The following TDRP variants were observed in gnomAD, a reference collection of about 807,000 sequenced individuals.
TDRP encodes testis development-related protein.
A neutral mutation model predicts 10.5 loss-of-function variants in TDRP; 12 were observed. The observed-to-expected ratio is 1.15, with a 90% CI of 0.73 to 1.86. The LOEUF (loss-of-function observed/expected upper bound fraction) is 1.86. TDRP is among the 40% of genes most tolerant of loss of function. TDRP has a pLI of 0.00. For synonymous variants in TDRP, 139 were observed against 95.4 expected, an observed-to-expected ratio of 1.46 and a Z score of -2.67; for missense variants, 353 against 229.2, an observed-to-expected ratio of 1.54 and a Z score of -3.49.
intron 1 of TDRP, among the ~76,000 whole-genome samples, chr8:518,461 T>C (rs1801813782): frequency 1.3e-5 from 2 of 152,024 alleles, no homozygotes; most frequent in South Asian, 2.1e-4. Context: ...AATAAAAGTA[T>C]ATAAAAGAAC....
At chr8:544,564 G>T in intron 1 of TDRP, 86 bp downstream of exon 1, 1 of 953,004 alleles carries the variant, frequency 1.0e-6, no homozygotes, top group Non-Finnish European at 1.4e-6. Context: ...CCAACTACCC[G>T]CACCTCCACC....
intron 1 of TDRP, among the ~76,000 whole-genome samples, chr8:543,126 A>C (rs1258422614): frequency 6.6e-6 from 1 of 152,106 alleles, no homozygotes; most frequent in Non-Finnish European, 1.5e-5. Flanking sequence ...TGGACAACAT[A>C]GCAAGACCCC....
chr8:512,726 G>T (rs947079796), intron 1 of TDRP, among the ~76,000 whole-genome samples: 1 of 152,160 alleles, frequency 6.6e-6, no homozygotes, highest in Non-Finnish European at 1.5e-5. Context: ...TGTAATCTCA[G>T]CATTTTTGTA....
Position 491,552 on chromosome 8 carries a change from C to T in TDRP, c.*847G>A. Reference sequence around the variant, plus strand: ...CGCTTTGCAAGAACAAACATATGAGCCTAATAAAAAAGAGGCACTTCAGTA... The same window carrying T: ...CGCTTTGCAAGAACAAACATATGAGTCTAATAAAAAAGAGGCACTTCAGTA... On this transcript the variant is annotated 3_prime_UTR_variant, in exon 3 of 3. Coordinates refer to ENST00000324079, the MANE Select transcript of TDRP (RefSeq NM_001384899.1). 6.9e-7 allele frequency: 1 copy of T among 1,443,918 alleles called. No individual in the cohort carries two copies. Among genetic ancestry groups the T allele is most frequent in the East Asian group, 2.6e-5 (1 of 39,000 alleles). 89.4% of individuals were successfully genotyped at this position (1,443,918 alleles called of 1,614,324 possible).
chr8:542,557 C>T (rs190185843), intron 1 of TDRP, among the ~76,000 whole-genome samples: 1 of 152,198 alleles, frequency 6.6e-6, no homozygotes, highest in East Asian at 1.9e-4. Flanking sequence ...CCAAAACCAA[C>T]ACACACTTTA....
In TDRP at chr8:529,629, A is replaced by C. The variant is rs1385786265; in HGVS notation, c.108+15021T>G. Reference sequence around the variant, plus strand: ...TTCATTTTTGAAAGATGGTTTTGCCAGCTACAGTATTCTTGGCTGGCTGGG... The same window carrying C: ...TTCATTTTTGAAAGATGGTTTTGCCCGCTACAGTATTCTTGGCTGGCTGGG... On this transcript the variant is annotated intron_variant, in intron 1 of 2. Transcript: ENST00000324079. Among the ~76,000 whole-genome samples, 12 of 152,204 alleles carry C rather than the reference A, an allele frequency of 7.9e-5. 1 individual carries two copies. Among genetic ancestry groups the C allele is most frequent in the Admixed American group, 7.9e-4 (12 of 15,286 alleles).
At chr8:504,367 C>A (rs1014362899) in intron 1 of TDRP, among the ~76,000 whole-genome samples, 8 of 152,216 alleles carry the variant, frequency 5.3e-5, no homozygotes, top group African/African-American at 1.9e-4. Flanking sequence ...TGAGTTTTAA[C>A]CTGGGGGTGC....
chr8:527,724 C>T lies in TDRP; in HGVS notation c.108+16926G>A, dbSNP rs118001553. On this transcript the variant is annotated intron_variant, in intron 1 of 2. Transcript: ENST00000324079. ...CCACATGCAGAAGAATGAAACTAGACTCCTATTTCTCACCATACACACACA... is the reference window on the plus strand; with the variant it reads ...CCACATGCAGAAGAATGAAACTAGATTCCTATTTCTCACCATACACACACA... Among the ~76,000 whole-genome samples, 125 of 152,234 alleles carry T rather than the reference C, an allele frequency of 8.2e-4. No individual in the cohort carries two copies. The East Asian group carries it at 0.023, about 28-fold the overall frequency.
intron 1 of TDRP, among the ~76,000 whole-genome samples, chr8:497,529 G>A (rs1330525522): frequency 6.6e-6 from 1 of 152,150 alleles, no homozygotes; most frequent in Non-Finnish European, 1.5e-5. Context: ...GTCTGAAATT[G>A]GAACTTATGT....
chr8:523,198 G>C (rs975669116), intron 1 of TDRP, among the ~76,000 whole-genome samples: 5 of 152,016 alleles, frequency 3.3e-5, no homozygotes, highest in Non-Finnish European at 5.9e-5. Context: ...GGTTATCACA[G>C]GGATTACATA....
At chr8:502,634 C>A (rs1484114556) in intron 1 of TDRP, among the ~76,000 whole-genome samples, 1 of 151,868 alleles carries the variant, frequency 6.6e-6, no homozygotes, top group Non-Finnish European at 1.5e-5. Context: ...GAGCCACACA[C>A]TGGAACCAAT....
chr8:507,515 A>G (rs936542574), intron 1 of TDRP, among the ~76,000 whole-genome samples: 5 of 152,134 alleles, frequency 3.3e-5, no homozygotes, highest in African/African-American at 1.2e-4. Flanking sequence ...AGCAGCAATT[A>G]CTGGAATTTA....
chr8:491,529 C>G lies in TDRP; in HGVS notation c.*870G>C. The G allele has an allele frequency of 7.4e-7, 1 of 1,355,364 alleles. No homozygotes were observed. 84.0% of individuals were successfully genotyped at this position (1,355,364 alleles called of 1,614,324 possible). A position where few individuals can be genotyped will look rare whatever the true frequency, so the allele number is the denominator to read the frequency against. On this transcript the variant is annotated 3_prime_UTR_variant, in exon 3 of 3. Coordinates refer to ENST00000324079, the MANE Select transcript of TDRP (RefSeq NM_001384899.1). ...AACACCAATCACAATAGGCATCTCGCTTTGCAAGAACAAACATATGAGCCT... is the reference window on the plus strand; with the variant it reads ...AACACCAATCACAATAGGCATCTCGGTTTGCAAGAACAAACATATGAGCCT...
chr8:495,821 G>C (rs1329063997), intron 1 of TDRP, among the ~76,000 whole-genome samples: 1 of 152,156 alleles, frequency 6.6e-6, no homozygotes, highest in African/African-American at 2.4e-5. Flanking sequence ...CAATGTCTGG[G>C]GGTCTCCAGG....
chr8:507,613 G>T (rs1275582329), intron 1 of TDRP, among the ~76,000 whole-genome samples: 1 of 152,146 alleles, frequency 6.6e-6, no homozygotes, highest in Non-Finnish European at 1.5e-5. Flanking sequence ...ACAGTGCCGT[G>T]CCCCACCAGA....
intron 1 of TDRP, among the ~76,000 whole-genome samples, chr8:515,826 A>G (rs552561346): frequency 1.3e-5 from 2 of 152,334 alleles, no homozygotes; most frequent in African/African-American, 2.4e-5. Context: ...TATAGATTAT[A>G]TAATTACTTT....
chr8:532,391 A>G (rs1297269764), intron 1 of TDRP, among the ~76,000 whole-genome samples: 1 of 152,230 alleles, frequency 6.6e-6, no homozygotes, highest in Non-Finnish European at 1.5e-5. Context: ...CCCTAGCAAG[A>G]TGATGAACCC....
At position 539,731 on chromosome 8, in the gene TDRP, T is replaced by C. The variant is rs79934125; in HGVS notation, c.108+4919A>G. 2.0e-5 allele frequency among the ~76,000 whole-genome samples: 3 copies of C among 152,340 alleles called. No homozygotes were observed. In the East Asian group the frequency reaches 5.8e-4, roughly 29 times the overall value. On this transcript the variant is annotated intron_variant, in intron 1 of 2. Transcript: ENST00000324079. ...CTCCAGCAGAACATCAGGCCTTTTC[T>C]GGATTTCAGAGCGATCGTCAATACG...
chr8:507,348 G>T (rs1032532250), intron 1 of TDRP, among the ~76,000 whole-genome samples: 1 of 152,116 alleles, frequency 6.6e-6, no homozygotes, highest in Non-Finnish European at 1.5e-5. Flanking sequence ...TTTCAGGGAA[G>T]AACTAGGGAA....
Sources: allele counts gnomAD v4.1 joint callset (sites outside exome capture counted in the v4.1 genomes callset), GRCh38; gene constraint gnomAD v4.1.1; transcripts MANE v1.5; gene names NCBI Gene and HGNC (gene_info 2026-07-23, HGNC 2026-07-21).